The following TMEM41B variants were observed in gnomAD, a reference collection of about 807,000 sequenced individuals.
TMEM41B encodes transmembrane protein 41B.
In TMEM41B, 18 loss-of-function variants were observed where a neutral mutation model predicts 31.9. That is an observed-to-expected ratio of 0.56 (90% confidence interval 0.39 to 0.84). TMEM41B has a LOEUF of 0.84. TMEM41B is among the 40% of genes least tolerant of loss of function. The pLI, the probability that TMEM41B is intolerant of heterozygous loss-of-function variation, is 0.00. For synonymous variants in TMEM41B, 144 were observed against 124.3 expected (o/e 1.16, Z -1.05); for missense variants, 322 against 348.0 (o/e 0.93, Z 0.59).
intron 3 of TMEM41B, among the ~76,000 whole-genome samples, chr11:9,293,398 C>T (rs775678323): frequency 2.0e-5 from 3 of 151,788 alleles, no homozygotes; most frequent in African/African-American, 7.3e-5. Flanking sequence ...CCACTACACC[C>T]GGCCAATTAG....
intron 1 of TMEM41B, chr11:9,311,802 T>TA: frequency 1.1e-5 from 6 of 556,614 alleles, no homozygotes; most frequent in South Asian, 6.7e-5. Flanking sequence ...ATGCAAAAAT[T>TA]AGACTTTCCG....
intron 2 of TMEM41B, among the ~76,000 whole-genome samples, chr11:9,296,807 T>C (rs1195572288): frequency 1.3e-5 from 2 of 152,190 alleles, no homozygotes; most frequent in Non-Finnish European, 2.9e-5. Flanking sequence ...CTGCAAGTTT[T>C]CCAGTACTTT....
chr11:9,294,891 TAAAA>T (rs981600563), intron 3 of TMEM41B, among the ~76,000 whole-genome samples: 6 of 151,956 alleles, frequency 3.9e-5, no homozygotes, highest in Non-Finnish European at 7.4e-5. Flanking sequence ...AGAACAATTA[TAAAA>T]ATACTATGGT....
Position 9,313,928 on chromosome 11 carries a change from G to A in TMEM41B, c.121+393C>T, listed in dbSNP as rs547543547. 5.9e-5 allele frequency among the ~76,000 whole-genome samples: 9 copies of A among 152,176 alleles called. 1 individual carries two copies. In the South Asian group the frequency reaches 1.7e-3, roughly 28 times the overall value. Reference sequence around the variant, plus strand: ...CTCCTAACTACTACTTCACTGATCTGGCTTTATGACTTTATAAGTCATATA... The same window carrying A: ...CTCCTAACTACTACTTCACTGATCTAGCTTTATGACTTTATAAGTCATATA... On this transcript the variant is annotated intron_variant, in intron 1 of 6. Coordinates refer to ENST00000528080, the MANE Select transcript of TMEM41B (RefSeq NM_015012.4).
In TMEM41B at chr11:9,282,641, G is replaced by A. The variant is rs937540977; in HGVS notation, c.*783C>T. On this transcript the variant is annotated 3_prime_UTR_variant, in exon 7 of 7. Coordinates refer to ENST00000528080, the MANE Select transcript of TMEM41B (RefSeq NM_015012.4). ...CAAACAAATCCATTACCTCAAAAGA[G>A]GAAGAAAATGGGCCAGGCGCGGTGG... is the stretch of plus-strand genomic sequence containing the variant. 1 of 151,854 alleles carries A rather than the reference G, an allele frequency of 6.6e-6. No individual in the cohort carries two copies. The highest frequency in any genetic ancestry group is 2.4e-5 in the African/African-American group (1 of 41,268). The allele number at this position is 151,854 out of a possible 1,614,324, so 9.4% of individuals were successfully genotyped here. A position where few individuals can be genotyped will look rare whatever the true frequency, so the allele number is the denominator to read the frequency against.
At chr11:9,296,021 T>A (rs1404914042) in intron 2 of TMEM41B, among the ~76,000 whole-genome samples, 1 of 151,236 alleles carries the variant, frequency 6.6e-6, no homozygotes, top group Non-Finnish European at 1.5e-5. Context: ...CATGCCTGAC[T>A]AATTTTTGTA....
chr11:9,282,940 G>GAAAAA lies in TMEM41B; in HGVS notation c.*479_*483dup, dbSNP rs56313114. ...CAGAGCTAGACTCCGTCTCAAAACAGAAAAAAAAAAAAAAAAAAAAAGAGG... is the reference window on the plus strand; with the variant it reads ...CAGAGCTAGACTCCGTCTCAAAACAGAAAAAAAAAAAAAAAAAAAAAAAAAAGAGG... On this transcript the variant is annotated 3_prime_UTR_variant, in exon 7 of 7. Transcript: ENST00000528080. 26 of 92,586 alleles carry GAAAAA rather than the reference G, an allele frequency of 2.8e-4. 1 individual carries two copies. Among genetic ancestry groups the GAAAAA allele is most frequent in the Non-Finnish European group, 4.1e-4 (19 of 46,886 alleles). The allele number at this position is 92,586 out of a possible 1,614,324, so 5.7% of individuals were successfully genotyped here.
At chr11:9,299,849 G>T (rs1853203560) in intron 1 of TMEM41B, 148 bp from the exon 2 acceptor site, 1 of 656,716 alleles carries the variant, frequency 1.5e-6, no homozygotes, top group African/African-American at 1.9e-5. Flanking sequence ...GCCGGGCACA[G>T]TGACTCACGC....
At chr11:9,298,549 G>C (rs1853157394) in intron 2 of TMEM41B, among the ~76,000 whole-genome samples, 1 of 151,654 alleles carries the variant, frequency 6.6e-6, no homozygotes, top group African/African-American at 2.4e-5. Context: ...CAGATCACTT[G>C]AGGCCAGGAG....
intron 3 of TMEM41B, among the ~76,000 whole-genome samples, chr11:9,293,931 G>A (rs1197591909): frequency 2.0e-5 from 3 of 152,058 alleles, no homozygotes; most frequent in African/African-American, 7.2e-5. Flanking sequence ...GTTGTCAGGC[G>A]TGGCGGCTCA....
In TMEM41B at chr11:9,281,298, TGTATC is replaced by T. The variant is rs1183932374; in HGVS notation, c.*2121_*2125del. 2.0e-5 allele frequency: 3 copies of T among 152,192 alleles called. No individual in the cohort carries two copies. The highest frequency in any genetic ancestry group is 4.4e-5 in the Non-Finnish European group (3 of 68,032). The allele number at this position is 152,192 out of a possible 1,614,324, so 9.4% of individuals were successfully genotyped here. ...ATTTATGTGTAAAAATAACAAAAGA[TGTATC>T]AGTCAGTCTCTGGGCAATAAGAAAG... On this transcript the variant is annotated 3_prime_UTR_variant, in exon 7 of 7. Transcript: ENST00000528080.
intron 1 of TMEM41B, among the ~76,000 whole-genome samples, chr11:9,306,101 C>G (rs1853386305): frequency 6.6e-6 from 1 of 151,618 alleles, no homozygotes; most frequent in South Asian, 2.1e-4. Context: ...GCCTCAGCCT[C>G]CCAAGCAACT....
rs1268902113 is a variant in TMEM41B at position 9,314,395 on chromosome 11, T to C, written c.47A>G (p.His16Arg). The C allele has an allele frequency of 6.4e-7, 1 of 1,571,470 alleles. No individual in the cohort carries two copies. The highest frequency in any genetic ancestry group is 8.6e-7 in the Non-Finnish European group (1 of 1,158,682). The change falls in exon 1 of 7, where the codon CAC becomes CGC. Residue 16 changes from histidine (H) to arginine (R), a missense_variant. By Grantham distance (29) the His-to-Arg change is conservative (BLOSUM62 0). Around this residue, in one of 3 missense-constraint regions of TMEM41B, gnomAD observed 183 missense variants for 175.3 expected, o/e 1.04. Coordinates refer to ENST00000528080, the MANE Select transcript of TMEM41B (RefSeq NM_015012.4). ...VAERSQLGAHHTTPVGDGAAG... is the reference protein window; with the variant it reads ...VAERSQLGAHRTTPVGDGAAG... Reference sequence around the variant, plus strand: ...TGCCCCGTCCCCCACGGGGGTCGTGTGGTGAGCGCCCAACTGCGATCGTTC... The same window carrying C: ...TGCCCCGTCCCCCACGGGGGTCGTGCGGTGAGCGCCCAACTGCGATCGTTC...
At chr11:9,310,657 T>C (rs1432360175) in intron 1 of TMEM41B, among the ~76,000 whole-genome samples, 2 of 3,230 alleles carry the variant, frequency 6.2e-4, no homozygotes, top group African/African-American at 1.1e-3. Flanking sequence ...TAAGAGCCCT[T>C]TTTTTTTTTT....
rs1166659568 is a variant in TMEM41B, at chr11:9,280,763, C to T, written c.*2661G>A. 1 of 152,200 alleles carries T rather than the reference C, an allele frequency of 6.6e-6. No individual in the cohort carries two copies. Among genetic ancestry groups the T allele is most frequent in the East Asian group, 1.9e-4 (1 of 5,202 alleles). 9.4% of individuals were successfully genotyped at this position (152,200 alleles called of 1,614,324 possible). A position where few individuals can be genotyped will look rare whatever the true frequency, so the allele number is the denominator to read the frequency against. ...CAGAGCTCCAGAGAAAGACAGTTAA[C>T]TAAGAAAGAACAGTTTCACTTTCTT... On this transcript the variant is annotated 3_prime_UTR_variant, in exon 7 of 7. Coordinates refer to ENST00000528080, the MANE Select transcript of TMEM41B (RefSeq NM_015012.4).
At chr11:9,311,678 G>A in intron 1 of TMEM41B, 1 of 794,456 alleles carries the variant, frequency 1.3e-6, no homozygotes, top group Non-Finnish European at 2.3e-6. Flanking sequence ...GCCTGGCACT[G>A]GGATTCCACA....
rs750864832 is a variant in TMEM41B at position 9,311,745 on chromosome 11, G to A, written c.121+2576C>T. On this transcript the variant is annotated intron_variant, in intron 1 of 6. Coordinates refer to ENST00000528080, the MANE Select transcript of TMEM41B (RefSeq NM_015012.4). ...CTGCCTGGGCTTGATGCATTCTCAA[G>A]AGCTTCTTAACTAGTTTCACCTCCT... The A allele has an allele frequency of 9.6e-4, 638 of 664,928 alleles. 5 individuals carry two copies. The highest frequency in any genetic ancestry group is 2.1e-4 in the Non-Finnish European group (77 of 364,118). 41.2% of individuals were successfully genotyped at this position (664,928 alleles called of 1,614,324 possible). A position where few individuals can be genotyped will look rare whatever the true frequency, so the allele number is the denominator to read the frequency against.
chr11:9,301,353 C>T (rs527883145), intron 1 of TMEM41B, among the ~76,000 whole-genome samples: 11 of 152,250 alleles, frequency 7.2e-5, no homozygotes, highest in African/African-American at 2.4e-4. Flanking sequence ...CAAGATCGCA[C>T]CACTGCACCC....
intron 1 of TMEM41B, among the ~76,000 whole-genome samples, chr11:9,309,032 G>C (rs1370620367): frequency 2.6e-5 from 4 of 152,100 alleles, no homozygotes; most frequent in Non-Finnish European, 4.4e-5. Flanking sequence ...TGAATTACTG[G>C]AGGTCAGGAG....
Sources: allele counts gnomAD v4.1 joint callset (sites outside exome capture counted in the v4.1 genomes callset), GRCh38; gene constraint gnomAD v4.1.1; regional missense constraint gnomAD v4.1.1; transcripts MANE v1.5; gene names NCBI Gene and HGNC (gene_info 2026-07-23, HGNC 2026-07-21).